Variants in ECE1 observed in about 807,000 individuals in gnomAD.
The protein encoded by ECE1 is endothelin-converting enzyme 1.
ECE1 carries 35 observed loss-of-function variants against 98.6 expected under a neutral mutation model. That is an observed-to-expected ratio of 0.35 (90% CI 0.27 to 0.47). The LOEUF is 0.47. Ranked by LOEUF, ECE1 falls within the 20% of genes least tolerant of loss-of-function variation. ECE1 has a pLI of 1.00. For synonymous variants in ECE1, 394 were observed against 407.1 expected (o/e 0.97, Z 0.39); for missense variants, 814 against 1,025.3 (o/e 0.79, Z 2.81).
chr1:21,306,439 C>T (rs930417969), intron 1 of ECE1, among the ~76,000 whole-genome samples: 2 of 151,726 alleles, frequency 1.3e-5, no homozygotes, highest in South Asian at 2.1e-4. Flanking sequence ...TGGGTTCAAG[C>T]GATTCTCCCG....
At position 21,225,464 on chromosome 1, in the gene ECE1, T is replaced by C. The variant is rs1384354465; in HGVS notation, c.1850-24A>G. On this transcript the variant is annotated intron_variant, in intron 16 of 18. Transcript: ENST00000374893. This position sits in a 1 kb window ranked among gnomAD's most constrained non-coding sequence, Gnocchi z 5.3. ...TCCTGTGGGTCAGAGGGAGGCGTCATGTCAAGGGAGGGAGGGGCACAGCAG... is the reference window on the plus strand; with the variant it reads ...TCCTGTGGGTCAGAGGGAGGCGTCACGTCAAGGGAGGGAGGGGCACAGCAG... 27 of 1,612,406 alleles carry C rather than the reference T, an allele frequency of 1.7e-5. No homozygotes were observed. Among genetic ancestry groups the C allele is most frequent in the Non-Finnish European group, 2.3e-5 (27 of 1,179,360 alleles).
chr1:21,342,607 T>TACACACACACACAC (rs71014187), intron 1 of ECE1, among the ~76,000 whole-genome samples: 12 of 139,826 alleles, frequency 8.6e-5, no homozygotes, highest in African/African-American at 3.1e-4. Flanking sequence ...CACACACAGA[T>TACACACACACACAC]ACACACACAC....
chr1:21,290,133 C>T lies in ECE1; in HGVS notation c.75G>A (p.Thr25=). ...ALGMSTYKRA[T]LDEEDLVDSL... ...AGTCCACCAGGTCCTCCTCGTCCAG[C>T]GTGGCCCGCTTGTACGTCGACATCT... Residue 25 remains threonine, a synonymous_variant, in exon 2 of 19, where the codon ACG becomes ACA. Transcript: ENST00000374893. The surrounding 1 kb of genome is among the most constrained non-coding windows in gnomAD (Gnocchi z 7.3). 1.3e-6 allele frequency: 2 copies of T among 1,563,924 alleles called. No individual in the cohort carries two copies. The highest frequency in any genetic ancestry group is 1.2e-5 in the South Asian group (1 of 85,346).
intron 1 of ECE1, among the ~76,000 whole-genome samples, chr1:21,336,794 G>T (rs1307408834): frequency 1.3e-5 from 2 of 152,328 alleles, no homozygotes; most frequent in African/African-American, 4.8e-5. Flanking sequence ...AGTGAGCCGA[G>T]ATCGCGCCAC....
chr1:21,255,840 C>A, intron 8 of ECE1, 107 bp downstream of exon 8: 1 of 1,232,040 alleles, frequency 8.1e-7, no homozygotes, highest in Non-Finnish European at 1.2e-6. Context: ...TCCTTTGTCA[C>A]ATAGTTTCAA....
chr1:21,273,380 T>C (rs1484582320), intron 3 of ECE1, among the ~76,000 whole-genome samples: 3 of 144,786 alleles, frequency 2.1e-5, no homozygotes, highest in Non-Finnish European at 3.0e-5. Flanking sequence ...TGTGTGTGTG[T>C]GTAGGGTACT....
rs1222006031 is a variant in ECE1 at position 21,306,332 on chromosome 1, TG to T, written c.4-16177del. On this transcript the variant is annotated intron_variant, in intron 1 of 18. Coordinates refer to the ECE1 transcript ENST00000415912. Reference sequence around the variant, plus strand: ...ACATACTATATGTTAAGTGTTTTTTTGTTTTTTTTTTTTTCAGATGGAGTTT... The same window carrying T: ...ACATACTATATGTTAAGTGTTTTTTTTTTTTTTTTTTTTCAGATGGAGTTT... Among the ~76,000 whole-genome samples, 182 of 147,470 alleles carry T rather than the reference TG, an allele frequency of 1.2e-3. 1 individual carries two copies. The highest frequency in any genetic ancestry group is 4.7e-3 in the African/African-American group (174 of 37,044).
intron 1 of ECE1, among the ~76,000 whole-genome samples, chr1:21,324,505 A>C (rs1283046492): frequency 1.3e-5 from 2 of 152,182 alleles, no homozygotes; most frequent in Non-Finnish European, 2.9e-5. Context: ...GCTGCCCTAG[A>C]ATCCCTTTGT....
chr1:21,284,586 G>T (rs1472296932), intron 2 of ECE1, among the ~76,000 whole-genome samples: 1 of 152,228 alleles, frequency 6.6e-6, no homozygotes. Flanking sequence ...GGAGTTCCCA[G>T]GGTTTCCACA....
chr1:21,311,435 G>A (rs1638720433), intron 1 of ECE1, among the ~76,000 whole-genome samples: 2 of 150,758 alleles, frequency 1.3e-5, no homozygotes, highest in South Asian at 2.1e-4. Context: ...CACTTTGGGA[G>A]GCTGAGGCAG....
intron 4 of ECE1, among the ~76,000 whole-genome samples, chr1:21,261,063 ATGCTCCGGTGGG>A (rs1344548210): frequency 6.6e-6 from 1 of 152,058 alleles, no homozygotes; most frequent in Non-Finnish European, 1.5e-5. Context: ...GCTAAAGGCA[ATGCTCCGGTGGG>A]TGCACCTGGT....
intron 2 of ECE1, among the ~76,000 whole-genome samples, chr1:21,284,340 G>T (rs2098258275): frequency 1.3e-5 from 2 of 152,224 alleles, no homozygotes; most frequent in South Asian, 4.1e-4. Context: ...ACTGTGAAAT[G>T]GCCATCCGCT....
chr1:21,272,353 G>A (rs941924039), intron 4 of ECE1, among the ~76,000 whole-genome samples: 13 of 152,122 alleles, frequency 8.5e-5, no homozygotes, highest in East Asian at 1.9e-4. Flanking sequence ...GTGCAGTGGC[G>A]CGATCTCGGC....
At chr1:21,253,488 C>T (rs543391028) in intron 8 of ECE1, among the ~76,000 whole-genome samples, 14 of 149,586 alleles carry the variant, frequency 9.4e-5, no homozygotes, top group East Asian at 4.0e-4. Flanking sequence ...ACAGGCCGGG[C>T]GCGGTGGCTC....
At chr1:21,280,972 T>C (rs550008612) in intron 2 of ECE1, among the ~76,000 whole-genome samples, 4 of 152,154 alleles carry the variant, frequency 2.6e-5, no homozygotes, top group African/African-American at 7.2e-5. Context: ...GAGGATCACC[T>C]GAGGTCAGGA....
At chr1:21,290,509 G>T (rs1257268555), upstream of ECE1, 7 of 1,209,776 alleles carry the variant, frequency 5.8e-6, no homozygotes, top group Non-Finnish European at 7.2e-6. The surrounding 1 kb of genome is among the most constrained non-coding windows in gnomAD (Gnocchi z 7.3). Flanking sequence ...GGGCCTGATC[G>T]GTTCGCCGGC....
chr1:21,290,428 C>G lies in ECE1; in HGVS notation c.-14G>C. 1 of 1,230,148 alleles carries G rather than the reference C, an allele frequency of 8.1e-7. No individual in the cohort carries two copies. Among genetic ancestry groups the G allele is most frequent in the Non-Finnish European group, 1.0e-6 (1 of 987,314 alleles). The allele number at this position is 1,230,148 out of a possible 1,614,324, so 76.2% of individuals were successfully genotyped here. ...CACGCCCCGCATGCTGTGCCCCAGA[C>G]GCCTGGTCCCGCTGCCCGGGTGGCC... On this transcript the variant is annotated 5_prime_UTR_variant, in exon 1 of 19. Transcript: ENST00000374893. The surrounding 1 kb of genome is among the most constrained non-coding windows in gnomAD (Gnocchi z 7.3).
intron 4 of ECE1, among the ~76,000 whole-genome samples, chr1:21,262,095 C>G (rs935341065): frequency 6.6e-5 from 10 of 152,262 alleles, no homozygotes; most frequent in African/African-American, 2.4e-4. Flanking sequence ...AGCATCGAGC[C>G]CCGGTCTTGC....
chr1:21,241,002 C>T (rs1067224), intron 10 of ECE1, among the ~76,000 whole-genome samples: 8,596 of 152,276 alleles, frequency 0.056, 782 homozygotes, highest in African/African-American at 0.19. Context: ...TGAGCCTGTA[C>T]TCCTGGGTCT....
Sources: gnomAD v4.1 joint callset for allele counts (sites outside exome capture counted in the v4.1 genomes callset) on GRCh38, gnomAD v4.1.1 for gene constraint, Gnocchi (gnomAD v3.1) non-coding constraint, MANE v1.5 for transcripts, NCBI Gene and HGNC (gene_info 2026-07-23, HGNC 2026-07-21) for gene names.